KLHL15: variants seen among roughly 807,000 people sequenced by gnomAD.
KLHL15 encodes kelch-like protein 15.
Under a neutral mutation model 29.3 loss-of-function variants are expected in KLHL15, and 1 was observed. The observed-to-expected ratio is 0.03, with a 90% CI of 0.01 to 0.16. The LOEUF is 0.16. Among genes scored for constraint, KLHL15 ranks in the 10% least tolerant of loss-of-function variants. KLHL15 has a pLI of 1.00. For missense variants in KLHL15, 215 were observed against 478.5 expected, an observed-to-expected ratio of 0.45 and a Z score of 5.14; for synonymous variants, 212 against 184.5, an observed-to-expected ratio of 1.15 and a Z score of -1.21.
At chrX:24,002,599 CTA>C (rs1708272750) in intron 3 of KLHL15, among the ~76,000 whole-genome samples, 1 of 100,930 alleles carries the variant, frequency 9.9e-6, no homozygotes, top group African/African-American at 3.7e-5. Context: ...ATTTCCTAGG[CTA>C]TGTTTTTTTT....
Position 23,988,034 on chromosome X carries a change from T to C in KLHL15, c.1702A>G (p.Asn568Asp), listed in dbSNP as rs1265719492. Residue 568 changes from asparagine to aspartate, a missense_variant, in exon 4 of 4, where the codon AAC (asparagine) becomes GAC (aspartate). Transcript: ENST00000328046. ...DSILTFDPDE[N>D]KWKEDEYPRM... ...GGGTACTCATCTTCCTTCCACTTGT[T>C]TTCATCCGGATCAAAAGTGAGGATG... The C allele has an allele frequency of 8.3e-7, 1 of 1,211,543 alleles. No individual in the cohort carries two copies. Among genetic ancestry groups the C allele is most frequent in the East Asian group, 3.0e-5 (1 of 33,845 alleles).
At chrX:24,007,428 G>C (rs1929468232) in intron 2 of KLHL15, among the ~76,000 whole-genome samples, 1 of 101,105 alleles carries the variant, frequency 9.9e-6, no homozygotes, top group Non-Finnish European at 2.0e-5. Context: ...GGGAGACGGA[G>C]GTTGCAGTGA....
At chrX:23,999,097 C>A (rs1258251694) in intron 3 of KLHL15, among the ~76,000 whole-genome samples, 1 of 109,266 alleles carries the variant, frequency 9.2e-6, no homozygotes, top group Non-Finnish European at 1.9e-5. Flanking sequence ...TTAGTAGAGA[C>A]GGAGTTTCAC....
At chrX:24,019,232 T>C (rs1929754548) in intron 2 of KLHL15, among the ~76,000 whole-genome samples, 1 of 111,804 alleles carries the variant, frequency 8.9e-6, no homozygotes, top group Non-Finnish European at 1.9e-5. Flanking sequence ...TAAAAAAATG[T>C]TATTTAGGTT....
chrX:24,011,751 C>T (rs1266381364), intron 2 of KLHL15, among the ~76,000 whole-genome samples: 1 of 111,893 alleles, frequency 8.9e-6, no homozygotes, highest in African/African-American at 3.2e-5. Flanking sequence ...TGCAGTGAGC[C>T]ATGATTATGC....
At chrX:24,004,920 G>GA (rs1007594142) in intron 3 of KLHL15, among the ~76,000 whole-genome samples, 4 of 109,847 alleles carry the variant, frequency 3.6e-5, no homozygotes, top group South Asian at 3.8e-4. Context: ...CATTTTGGAG[G>GA]AAAAAAAAAT....
Position 23,986,162 on chromosome X carries a change from T to C in KLHL15, c.*1759A>G, listed in dbSNP as rs371561332. On this transcript the variant is annotated 3_prime_UTR_variant, in exon 4 of 4. Transcript: ENST00000328046. ...CCCAAATGCCTCCAATTCTGGAGTT[T>C]GAAGATCAGGTTTAATCTCATAGTA... The C allele has an allele frequency of 2.7e-5, 3 of 111,372 alleles. No homozygotes were observed. The highest frequency in any genetic ancestry group is 5.6e-4 in the East Asian group (2 of 3,582). The allele number at this position is 111,372 out of a possible 1,213,427, so 9.2% of individuals were successfully genotyped here.
rs1224162685 is a variant in KLHL15, at chrX:23,986,508, A to G, written c.*1413T>C. 1 of 111,978 alleles carries G rather than the reference A, an allele frequency of 8.9e-6. No individual in the cohort carries two copies. Among genetic ancestry groups the G allele is most frequent in the Admixed American group, 9.5e-5 (1 of 10,511 alleles). The allele number at this position is 111,978 out of a possible 1,213,427, so 9.2% of individuals were successfully genotyped here. ...CAGGTTATTCTTGCTTAACTTTGTC[A>G]ACTATGTTTTTTCCTCTGCATTTAA... On this transcript the variant is annotated 3_prime_UTR_variant, in exon 4 of 4. Transcript: ENST00000328046.
chrX:23,989,927 T>C (rs1349667775), intron 3 of KLHL15, among the ~76,000 whole-genome samples: 1 of 110,747 alleles, frequency 9.0e-6, no homozygotes, highest in Non-Finnish European at 1.9e-5. Flanking sequence ...GCTGCTGGGA[T>C]GACAGGTGTG....
rs79607028 is a variant in KLHL15 at position 24,018,481 on chromosome X, G to A, written c.-8+6376C>T. On this transcript the variant is annotated intron_variant, in intron 2 of 3. Coordinates refer to ENST00000328046, the MANE Select transcript of KLHL15 (RefSeq NM_030624.3). ...GGAAACCAATTAGACCAAATGACAA[G>A]GCATACTTATACTACCAGGAAAGAA... 4.1e-4 allele frequency among the ~76,000 whole-genome samples: 45 copies of A among 108,509 alleles called. No homozygotes were observed. In the East Asian group the frequency reaches 8.7e-3, roughly 21 times the overall value. 94.2% of individuals were successfully genotyped at this position (108,509 alleles called of 115,157 possible).
At chrX:24,026,305 A>G (rs1929932775) in intron 1 of KLHL15, among the ~76,000 whole-genome samples, 1 of 112,449 alleles carries the variant, frequency 8.9e-6, no homozygotes, top group Non-Finnish European at 1.9e-5. Context: ...AAAATAATCA[A>G]GAACGAACAT....
At position 23,984,870 on chromosome X, in the gene KLHL15, TAAGTG is replaced by T. The variant is rs1928958857; in HGVS notation, c.*3046_*3050del. ...TCCAAAGGTGCTGCTTTAGAAAAGA[TAAGTG>T]AAGGGCTCAGTCAGTATTTCACAAA... On this transcript the variant is annotated 3_prime_UTR_variant, in exon 4 of 4. Coordinates refer to ENST00000328046, the MANE Select transcript of KLHL15 (RefSeq NM_030624.3). The T allele has an allele frequency of 8.9e-6, 1 of 112,337 alleles. No homozygotes were observed. Among genetic ancestry groups the T allele is most frequent in the African/African-American group, 3.2e-5 (1 of 31,030 alleles). 9.3% of individuals were successfully genotyped at this position (112,337 alleles called of 1,213,427 possible). A position where few individuals can be genotyped will look rare whatever the true frequency, so the allele number is the denominator to read the frequency against.
chrX:24,017,708 G>A (rs1929716915), intron 2 of KLHL15, among the ~76,000 whole-genome samples: 1 of 103,957 alleles, frequency 9.6e-6, no homozygotes, highest in African/African-American at 3.6e-5. Flanking sequence ...CTGAGCCCGG[G>A]AGGCCGAGGC....
chrX:24,009,969 AAC>A (rs1929540709), intron 2 of KLHL15, among the ~76,000 whole-genome samples: 1 of 88,028 alleles, frequency 1.1e-5, no homozygotes, highest in Non-Finnish European at 2.2e-5. Context: ...CAGCCTGGGC[AAC>A]AGAGCAAGAC....
chrX:24,011,877 C>T (rs1290862554), intron 2 of KLHL15, among the ~76,000 whole-genome samples: 1 of 112,007 alleles, frequency 8.9e-6, no homozygotes, highest in African/African-American at 3.2e-5. Flanking sequence ...AGGCCAGGTG[C>T]GGTGGCTCAC....
chrX:24,010,134 T>C (rs753335620), intron 2 of KLHL15, among the ~76,000 whole-genome samples: 20 of 111,334 alleles, frequency 1.8e-4, no homozygotes, highest in African/African-American at 5.5e-4. Context: ...ACTTATTCCA[T>C]TGCAAACCCT....
chrX:24,010,230 ACT>A (rs757992866), intron 2 of KLHL15, among the ~76,000 whole-genome samples: 9 of 109,565 alleles, frequency 8.2e-5, no homozygotes, highest in African/African-American at 3.0e-4. Flanking sequence ...TAACCTTCCT[ACT>A]CTCTTTTCAC....
intron 1 of KLHL15, among the ~76,000 whole-genome samples, chrX:24,025,486 C>A (rs917882582): frequency 2.3e-3 from 239 of 104,253 alleles, no homozygotes; most frequent in African/African-American, 7.9e-3. Flanking sequence ...AGTGCGCTGT[C>A]GTCTTGACGC....
chrX:23,989,365 T>A, intron 3 of KLHL15, among the ~76,000 whole-genome samples: 1 of 110,260 alleles, frequency 9.1e-6, no homozygotes, highest in East Asian at 2.8e-4. Flanking sequence ...TTAGTAGAGA[T>A]GAGGTTTCAT....
Sources: allele counts gnomAD v4.1 joint callset (sites outside exome capture counted in the v4.1 genomes callset), GRCh38; gene constraint gnomAD v4.1.1; transcripts MANE v1.5; gene names NCBI Gene and HGNC (gene_info 2026-07-23, HGNC 2026-07-21).